CCND1: variants seen among roughly 807,000 people sequenced by gnomAD.
CCND1 encodes G1/S-specific cyclin-D1.
In CCND1, 9 loss-of-function variants were observed where a neutral mutation model predicts 26.1. That is an observed-to-expected ratio of 0.35 (90% CI 0.21 to 0.60). The LOEUF (loss-of-function observed/expected upper bound fraction) is 0.60. Among genes scored for constraint, CCND1 ranks in the 20% least tolerant of loss-of-function variants. The probability of loss-of-function intolerance (pLI) is 0.79; values close to 1 mark genes in which losing one functional copy is unlikely to be tolerated. For synonymous variants in CCND1, 194 were observed against 166.1 expected (o/e 1.17, Z -1.29); for missense variants, 335 against 392.9 (o/e 0.85, Z 1.25).
At position 69,643,940 on chromosome 11, in the gene CCND1, A is replaced by G. The variant is rs1175448240; in HGVS notation, c.523A>G (p.Lys175Glu). The G allele has an allele frequency of 6.2e-7, 1 of 1,613,414 alleles. No homozygotes were observed. The highest frequency in any genetic ancestry group is 8.5e-7 in the Non-Finnish European group (1 of 1,180,014). Residue 175 changes from lysine to glutamate, a missense_variant, in exon 3 of 5, where the codon AAA becomes GAA. Coordinates refer to ENST00000227507, the MANE Select transcript of CCND1 (RefSeq NM_053056.3). ...LSKMPEAEEN[K>E]QIIRKHAQTF... is the part of the protein sequence containing the mutation. Reference sequence around the variant, plus strand: ...CAAAATGCCAGAGGCGGAGGAGAACAAACAGATCATCCGCAAACACGCGCA... The same window carrying G: ...CAAAATGCCAGAGGCGGAGGAGAACGAACAGATCATCCGCAAACACGCGCA...
intron 1 of CCND1, among the ~76,000 whole-genome samples, chr11:69,642,029 C>T (rs1354844000): frequency 1.1e-5 from 1 of 87,358 alleles, no homozygotes; most frequent in Admixed American, 1.3e-4. Flanking sequence ...AGGGTGGGGG[C>T]GGGGAGCGGC....
intron 1 of CCND1, 71 bp from the exon 2 acceptor site, chr11:69,642,960 G>A (rs1855728311): frequency 4.3e-6 from 5 of 1,165,672 alleles, no homozygotes; most frequent in South Asian, 1.9e-5. Context: ...CAAGCGCGAT[G>A]GGGGGTGCGG....
chr11:69,648,991 G>A (rs1455103378), intron 4 of CCND1, among the ~76,000 whole-genome samples: 6 of 152,256 alleles, frequency 3.9e-5, no homozygotes, highest in African/African-American at 1.4e-4. Context: ...CCCAGCCCAT[G>A]TGTGTCTCGG....
In CCND1 at chr11:69,651,381, C is replaced by G; in HGVS notation, c.*99C>G. ...CCCTCCTCTCCGGAGCATTTTGATA[C>G]CAGAAGGGAAAGCTTCATTCTCCTT... On this transcript the variant is annotated 3_prime_UTR_variant, in exon 5 of 5. Coordinates refer to ENST00000227507, the MANE Select transcript of CCND1 (RefSeq NM_053056.3). The G allele has an allele frequency of 9.8e-7, 1 of 1,025,506 alleles. No homozygotes were observed. The highest frequency in any genetic ancestry group is 1.3e-6 in the Non-Finnish European group (1 of 761,144). 63.5% of individuals were successfully genotyped at this position (1,025,506 alleles called of 1,614,324 possible). A position where few individuals can be genotyped will look rare whatever the true frequency, so the allele number is the denominator to read the frequency against.
rs1439433362 is a variant in CCND1 at position 69,651,337 on chromosome 11, C to T, written c.*55C>T. 16 of 1,386,868 alleles carry T rather than the reference C, an allele frequency of 1.2e-5. No individual in the cohort carries two copies. Among genetic ancestry groups the T allele is most frequent in the South Asian group, 1.6e-5 (1 of 64,268 alleles). 85.9% of individuals were successfully genotyped at this position (1,386,868 alleles called of 1,614,324 possible). A position where few individuals can be genotyped will look rare whatever the true frequency, so the allele number is the denominator to read the frequency against. ...CCCGCAGCGAGGGCGGAGCCGGCCC[C>T]AGGTGCTCCCCTGACAGTCCCTCCT... On this transcript the variant is annotated 3_prime_UTR_variant, in exon 5 of 5. Coordinates refer to ENST00000227507, the MANE Select transcript of CCND1 (RefSeq NM_053056.3).
chr11:69,647,046 C>T (rs991610443), intron 3 of CCND1, among the ~76,000 whole-genome samples: 7 of 152,160 alleles, frequency 4.6e-5, no homozygotes, highest in Non-Finnish European at 7.4e-5. Flanking sequence ...GCACTGGTGC[C>T]CTCTTGGGAA....
At position 69,641,265 on chromosome 11, in the gene CCND1, C is replaced by G. The variant is rs1263161883; in HGVS notation, c.-49C>G. 2.1e-5 allele frequency: 32 copies of G among 1,557,898 alleles called. No homozygotes were observed. Among genetic ancestry groups the G allele is most frequent in the Non-Finnish European group, 2.7e-5 (31 of 1,140,274 alleles). ...GCAGAAGCGAGAGCCGAGCGCGGAC[C>G]CAGCCAGGACCCACAGCCCTCCCCA... On this transcript the variant is annotated 5_prime_UTR_variant, in exon 1 of 5. Transcript: ENST00000227507.
rs7178 is a variant in CCND1 at position 69,654,262 on chromosome 11, A to G, written c.*2980A>G. The G allele has an allele frequency of 0.063, 44,207 of 702,534 alleles. 1,782 individuals are homozygous for G. Among genetic ancestry groups the G allele is most frequent in the Non-Finnish European group, 0.08 (30,701 of 384,980 alleles). 43.5% of individuals were successfully genotyped at this position (702,534 alleles called of 1,614,324 possible). On this transcript the variant is annotated 3_prime_UTR_variant, in exon 5 of 5. Coordinates refer to ENST00000227507, the MANE Select transcript of CCND1 (RefSeq NM_053056.3). The surrounding 1 kb of genome is among the most constrained non-coding windows in gnomAD (Gnocchi z 6.3). ...GGCACAAGTCCTGGATGTTGTGTGT[A>G]TCGAGAGGCCAAAGGCTGGTGGCAA...
Position 69,651,914 on chromosome 11 carries a change from C to T in CCND1, c.*632C>T. 1 of 232,998 alleles carries T rather than the reference C, an allele frequency of 4.3e-6. No homozygotes were observed. Among genetic ancestry groups the T allele is most frequent in the Non-Finnish European group, 8.5e-6 (1 of 117,902 alleles). 14.4% of individuals were successfully genotyped at this position (232,998 alleles called of 1,614,324 possible). On this transcript the variant is annotated 3_prime_UTR_variant, in exon 5 of 5. Coordinates refer to ENST00000227507, the MANE Select transcript of CCND1 (RefSeq NM_053056.3). ...TTATATTCCGTAGGTAGATGTGTAA[C>T]CTCTTCACCTTATTCATGGCTGAAG...
chr11:69,652,322 A>G lies in CCND1; in HGVS notation c.*1040A>G, dbSNP rs950772737. The G allele has an allele frequency of 2.1e-5, 5 of 232,766 alleles. No individual in the cohort carries two copies. Among genetic ancestry groups the G allele is most frequent in the African/African-American group, 8.8e-5 (4 of 45,234 alleles). 14.4% of individuals were successfully genotyped at this position (232,766 alleles called of 1,614,324 possible). Reference sequence around the variant, plus strand: ...CACTTTCAGTCCAATAGGTGTAGGAAATAGCGCTGTTTTTGTTGTGTGTGC... The same window carrying G: ...CACTTTCAGTCCAATAGGTGTAGGAGATAGCGCTGTTTTTGTTGTGTGTGC... On this transcript the variant is annotated 3_prime_UTR_variant, in exon 5 of 5. Coordinates refer to ENST00000227507, the MANE Select transcript of CCND1 (RefSeq NM_053056.3).
In CCND1 at chr11:69,644,004, C is replaced by T. The variant is rs3918293; in HGVS notation, c.574+13C>T. The T allele has an allele frequency of 4.7e-4, 755 of 1,612,858 alleles. 3 individuals are homozygous for T. The African/African-American group carries it at 6.6e-3, about 14-fold the overall frequency. On this transcript the variant is annotated intron_variant, in intron 3 of 4. Transcript: ENST00000227507. ...CTCTGTGCCACAGGTAGGGCAGGCC[C>T]GGCAGCCCCCGGCCTCCCCTTGAGA...
chr11:69,650,216 C>T lies in CCND1; in HGVS notation c.724-902C>T, dbSNP rs3212886. ...CTAGAGACTTGGCTTGAAGCCCTAG[C>T]GTGGCTTCCTGGCAGTTGGGACACA... On this transcript the variant is annotated intron_variant, in intron 4 of 4. Coordinates refer to ENST00000227507, the MANE Select transcript of CCND1 (RefSeq NM_053056.3). Among the ~76,000 whole-genome samples, 8 of 152,342 alleles carry T rather than the reference C, an allele frequency of 5.3e-5. No homozygotes were observed. In the South Asian group the frequency reaches 6.2e-4, roughly 12 times the overall value.
chr11:69,652,504 A>T lies in CCND1; in HGVS notation c.*1222A>T. The T allele has an allele frequency of 4.3e-6, 1 of 233,396 alleles. No individual in the cohort carries two copies. Among genetic ancestry groups the T allele is most frequent in the Non-Finnish European group, 8.5e-6 (1 of 118,058 alleles). The allele number at this position is 233,396 out of a possible 1,614,324, so 14.5% of individuals were successfully genotyped here. On this transcript the variant is annotated 3_prime_UTR_variant, in exon 5 of 5. Transcript: ENST00000227507. Reference sequence around the variant, plus strand: ...AGAAGAAAAAGGTTTGCATTCTCACATTGCCAGGATGATAAGTTCCTTTCC... The same window carrying T: ...AGAAGAAAAAGGTTTGCATTCTCACTTTGCCAGGATGATAAGTTCCTTTCC...
At chr11:69,647,201 T>C (rs1354838439) in intron 3 of CCND1, among the ~76,000 whole-genome samples, 2 of 152,258 alleles carry the variant, frequency 1.3e-5, no homozygotes, top group African/African-American at 2.4e-5. Context: ...GAAAAGTGTT[T>C]TTGTCATCGG....
chr11:69,651,053 G>T lies in CCND1; in HGVS notation c.724-65G>T. ...TCCGGGTCATGGCACCTGGGAAGGGGCCCTCGCTGCAGGCCCCTTCTAAGG... is the reference window on the plus strand; with the variant it reads ...TCCGGGTCATGGCACCTGGGAAGGGTCCCTCGCTGCAGGCCCCTTCTAAGG... On this transcript the variant is annotated intron_variant, in intron 4 of 4. Transcript: ENST00000227507. 5.4e-6 allele frequency: 8 copies of T among 1,488,542 alleles called. 1 individual carries two copies. The South Asian group carries it at 9.9e-5, about 18-fold the overall frequency. 92.2% of individuals were successfully genotyped at this position (1,488,542 alleles called of 1,614,324 possible). A position where few individuals can be genotyped will look rare whatever the true frequency, so the allele number is the denominator to read the frequency against.
At position 69,643,929 on chromosome 11, in the gene CCND1, CGGA is replaced by C. The variant is rs761855357; in HGVS notation, c.517_519del (p.Glu173del). The stretch of plus-strand genomic sequence containing the variant: ...CACTTCCTCTCCAAAATGCCAGAGG[CGGA>C]GGAGAACAAACAGATCATCCGCAAA... On this transcript the variant is annotated inframe_deletion, in exon 3 of 5. Transcript: ENST00000227507. 6.8e-6 allele frequency: 11 copies of C among 1,613,590 alleles called. No homozygotes were observed. Among genetic ancestry groups the C allele is most frequent in the South Asian group, 1.1e-5 (1 of 91,090 alleles).
chr11:69,651,010 C>T lies in CCND1; in HGVS notation c.724-108C>T, dbSNP rs1001549565. 3.7e-6 allele frequency: 4 copies of T among 1,083,268 alleles called. No individual in the cohort carries two copies. The African/African-American group carries it at 6.7e-5, about 18-fold the overall frequency. The allele number at this position is 1,083,268 out of a possible 1,614,324, so 67.1% of individuals were successfully genotyped here. ...GCCGAGGGACAGTTTTTGGCTTAGTCTTGCTCTTATAAAGGCTTCCGGGTC... is the reference window on the plus strand; with the variant it reads ...GCCGAGGGACAGTTTTTGGCTTAGTTTTGCTCTTATAAAGGCTTCCGGGTC... On this transcript the variant is annotated intron_variant, in intron 4 of 4. Coordinates refer to ENST00000227507, the MANE Select transcript of CCND1 (RefSeq NM_053056.3).
rs61749185 is a variant in CCND1, at chr11:69,643,057, G to A, written c.225G>A (p.Glu75=). 19 of 1,606,092 alleles carry A rather than the reference G, an allele frequency of 1.2e-5. No individual in the cohort carries two copies. The highest frequency in any genetic ancestry group is 1.5e-5 in the Non-Finnish European group (18 of 1,176,852). Residue 75 remains glutamate (E), a synonymous_variant, in exon 2 of 5, where the codon GAG becomes GAA. Coordinates refer to ENST00000227507, the MANE Select transcript of CCND1 (RefSeq NM_053056.3). ...LEVCEEQKCE[E]EVFPLAMNYL... Reference sequence around the variant, plus strand: ...TCTGCGAGGAACAGAAGTGCGAGGAGGAGGTCTTCCCGCTGGCCATGAACT... The same window carrying A: ...TCTGCGAGGAACAGAAGTGCGAGGAAGAGGTCTTCCCGCTGGCCATGAACT...
chr11:69,646,394 G>A (rs1282455159), intron 3 of CCND1, among the ~76,000 whole-genome samples: 1 of 152,094 alleles, frequency 6.6e-6, no homozygotes, highest in Non-Finnish European at 1.5e-5. Flanking sequence ...CCTCGCCGGC[G>A]GCCCTCTCTT....
Sources: allele counts gnomAD v4.1 joint callset (sites outside exome capture counted in the v4.1 genomes callset), GRCh38; gene constraint gnomAD v4.1.1; non-coding constraint Gnocchi (gnomAD v3.1); transcripts MANE v1.5; gene names NCBI Gene and HGNC (gene_info 2026-07-23, HGNC 2026-07-21).